Variants in CSMD1 observed in about 807,000 individuals in gnomAD.
CSMD1 encodes CUB and Sushi multiple domains 1.
In CSMD1, 213 loss-of-function variants were observed where a neutral mutation model predicts 417.5. The observed-to-expected ratio is 0.51, with a 90% CI of 0.46 to 0.57. The LOEUF (loss-of-function observed/expected upper bound fraction) is 0.57, where lower values mean the gene tolerates loss of function less well. CSMD1 is among the 20% of genes least tolerant of loss of function. CSMD1 has a pLI of 0.00. For missense variants in CSMD1, 6,923 were observed against 4,529.7 expected, an observed-to-expected ratio of 1.53 and a Z score of -15.17; for synonymous variants, 2,862 against 1,736.8, an observed-to-expected ratio of 1.65 and a Z score of -16.11.
Position 4,012,461 on chromosome 8 carries a change from A to C in CSMD1, c.611-14351T>G, listed in dbSNP as rs142127534. Among the ~76,000 whole-genome samples, 295 of 152,240 alleles carry C rather than the reference A, an allele frequency of 1.9e-3. 3 individuals are homozygous for C. Among genetic ancestry groups the C allele is most frequent in the African/African-American group, 6.8e-3 (282 of 41,506 alleles). On this transcript the variant is annotated intron_variant, in intron 4 of 69. Transcript: ENST00000635120. ...TTTTATTTTTGTTTCAGGGGTACAC[A>C]TGCAGGTTTGTTACTTGCATAAATC...
chr8:4,850,681 T>C (rs540638165), intron 1 of CSMD1, among the ~76,000 whole-genome samples: 49 of 150,196 alleles, frequency 3.3e-4, no homozygotes, highest in African/African-American at 1.2e-3. Flanking sequence ...CTTAGCTTTG[T>C]CTCTCTCTCT....
rs561488921 is a variant in CSMD1 at position 3,090,821 on chromosome 8, G to T, written c.7285+695C>A. Among the ~76,000 whole-genome samples the T allele has an allele frequency of 5.9e-5, 9 of 152,148 alleles. 1 individual carries two copies. The South Asian group carries it at 1.9e-3, about 32-fold the overall frequency. ...CTCAGGAATTAAGAGTCTGCCTACTGCTTCTGTAGGAAAGTTTAAAGAATA... is the reference window on the plus strand; with the variant it reads ...CTCAGGAATTAAGAGTCTGCCTACTTCTTCTGTAGGAAAGTTTAAAGAATA... On this transcript the variant is annotated intron_variant, in intron 48 of 69. Transcript: ENST00000635120.
At chr8:3,250,523 A>G (rs550751603) in intron 26 of CSMD1, among the ~76,000 whole-genome samples, 4 of 152,184 alleles carry the variant, frequency 2.6e-5, no homozygotes, top group Non-Finnish European at 4.4e-5. Flanking sequence ...AAACATACGT[A>G]TGAATGGGTC....
At chr8:4,158,575 C>G (rs909866075) in intron 3 of CSMD1, among the ~76,000 whole-genome samples, 1 of 152,148 alleles carries the variant, frequency 6.6e-6, no homozygotes, top group Non-Finnish European at 1.5e-5. Flanking sequence ...TATGACAGAA[C>G]AGTCCTCGTT....
chr8:3,293,444 C>G (rs1051700051), intron 25 of CSMD1, among the ~76,000 whole-genome samples: 9 of 152,204 alleles, frequency 5.9e-5, no homozygotes, highest in African/African-American at 2.2e-4. Flanking sequence ...TCCATTCTCC[C>G]TGTCACTTTT....
intron 5 of CSMD1, among the ~76,000 whole-genome samples, chr8:3,758,412 A>G (rs1797791406): frequency 6.6e-6 from 1 of 152,214 alleles, no homozygotes; most frequent in African/African-American, 2.4e-5. Context: ...TGCGTTAAAC[A>G]AATGTTCATA....
At chr8:4,423,706 T>C (rs1379176512) in intron 2 of CSMD1, among the ~76,000 whole-genome samples, 1 of 150,766 alleles carries the variant, frequency 6.6e-6, no homozygotes, top group Admixed American at 6.7e-5. Flanking sequence ...GCAAGATCTT[T>C]CTAAAATTTA....
chr8:4,402,629 C>A (rs547479123), intron 3 of CSMD1, among the ~76,000 whole-genome samples: 105 of 152,218 alleles, frequency 6.9e-4, no homozygotes, highest in African/African-American at 2.1e-3. Flanking sequence ...TTTAATCTTG[C>A]AAGACCTATC....
chr8:4,926,282 AT>A (rs1054577510), intron 1 of CSMD1, among the ~76,000 whole-genome samples: 7 of 151,938 alleles, frequency 4.6e-5, no homozygotes, highest in East Asian at 1.9e-4. Context: ...TTAAACATGA[AT>A]TTTTTTTGGT....
At chr8:4,141,993 C>T (rs977395791) in intron 3 of CSMD1, among the ~76,000 whole-genome samples, 4 of 150,736 alleles carry the variant, frequency 2.7e-5, no homozygotes, top group African/African-American at 5.0e-5. Flanking sequence ...TTTCTCTCAA[C>T]TTATATATTC....
At position 4,172,583 on chromosome 8, in the gene CSMD1, T is replaced by C. The variant is rs73658422; in HGVS notation, c.416-140484A>G. ...CTCCACAAATCCAGAACTGTATATA[T>C]GGTAAGGAACATCTAACTAAGCTCA... On this transcript the variant is annotated intron_variant, in intron 3 of 69. Transcript: ENST00000635120. 6.5e-3 allele frequency among the ~76,000 whole-genome samples: 984 copies of C among 152,236 alleles called. 10 individuals carry two copies. Among genetic ancestry groups the C allele is most frequent in the African/African-American group, 0.023 (952 of 41,518 alleles).
intron 5 of CSMD1, among the ~76,000 whole-genome samples, chr8:3,847,944 A>G (rs1347055709): frequency 7.9e-5 from 12 of 152,174 alleles, no homozygotes; most frequent in Non-Finnish European, 1.2e-4. Flanking sequence ...TCTTGGCTTC[A>G]AAACAACCAA....
intron 3 of CSMD1, among the ~76,000 whole-genome samples, chr8:4,035,680 C>G (rs577849462): frequency 1.3e-5 from 2 of 152,250 alleles, no homozygotes; most frequent in South Asian, 4.2e-4. Context: ...ATGTTTTGCA[C>G]AACTGTGCAA....
intron 2 of CSMD1, among the ~76,000 whole-genome samples, chr8:4,430,069 C>G (rs963342541): frequency 6.6e-6 from 1 of 152,140 alleles, no homozygotes; most frequent in African/African-American, 2.4e-5. Context: ...AGTATAAAAG[C>G]AGAAACAAAA....
Position 2,938,018 on chromosome 8 carries a change from G to C in CSMD1, c.*567C>G, listed in dbSNP as rs1801613012. On this transcript the variant is annotated 3_prime_UTR_variant, in exon 70 of 70. Coordinates refer to ENST00000635120, the MANE Select transcript of CSMD1 (RefSeq NM_033225.6). Reference sequence around the variant, plus strand: ...CTAGAGATGAACACACAGGGGAGCTGTGAGGTCCTCAAAGCTTGTCAGGTC... The same window carrying C: ...CTAGAGATGAACACACAGGGGAGCTCTGAGGTCCTCAAAGCTTGTCAGGTC... The C allele has an allele frequency of 6.5e-6, 1 of 152,704 alleles. No individual in the cohort carries two copies. Among genetic ancestry groups the C allele is most frequent in the Non-Finnish European group, 1.5e-5 (1 of 68,090 alleles). 9.5% of individuals were successfully genotyped at this position (152,704 alleles called of 1,614,324 possible).
intron 1 of CSMD1, among the ~76,000 whole-genome samples, chr8:4,955,426 T>C (rs1399000575): frequency 6.6e-6 from 1 of 151,692 alleles, no homozygotes; most frequent in Non-Finnish European, 1.5e-5. Flanking sequence ...GTTTGGTGGA[T>C]GCACTACTTC....
rs186150465 is a variant in CSMD1 at position 3,414,521 on chromosome 8, C to A, written c.1562-4916G>T. 1.1e-4 allele frequency among the ~76,000 whole-genome samples: 16 copies of A among 152,218 alleles called. 1 individual carries two copies. The highest frequency in any genetic ancestry group is 8.5e-4 in the Admixed American group (13 of 15,290). On this transcript the variant is annotated intron_variant, in intron 12 of 69. Transcript: ENST00000635120. Reference sequence around the variant, plus strand: ...ATTGACGCTCTTGGGGTCCTCTCATCGCTCCCCATGCTGCATCCCATTTTC... The same window carrying A: ...ATTGACGCTCTTGGGGTCCTCTCATAGCTCCCCATGCTGCATCCCATTTTC...
chr8:4,134,704 C>G (rs1029137025), intron 3 of CSMD1, among the ~76,000 whole-genome samples: 3 of 152,148 alleles, frequency 2.0e-5, no homozygotes, highest in Non-Finnish European at 2.9e-5. Flanking sequence ...CTGTGAACCA[C>G]ACCACTTACC....
chr8:4,029,294 C>G (rs564915745), intron 4 of CSMD1, among the ~76,000 whole-genome samples: 1 of 152,276 alleles, frequency 6.6e-6, no homozygotes, highest in Admixed American at 6.5e-5. Flanking sequence ...TTGCATTAGT[C>G]TGTTTTCACG....
Sources: gnomAD v4.1 joint callset for allele counts (sites outside exome capture counted in the v4.1 genomes callset) on GRCh38, gnomAD v4.1.1 for gene constraint, MANE v1.5 for transcripts, NCBI Gene and HGNC (gene_info 2026-07-23, HGNC 2026-07-21) for gene names.